Variants in LYRM4 observed in about 807,000 individuals in gnomAD.
LYRM4 encodes the protein LYR motif containing 4.
A neutral mutation model predicts 11.7 loss-of-function variants in LYRM4; 9 were observed. That is an observed-to-expected ratio of 0.77 (90% CI 0.46 to 1.34). The LOEUF (loss-of-function observed/expected upper bound fraction) is 1.34. Among genes scored for constraint, LYRM4 ranks in the 40% most tolerant of loss-of-function variants. The pLI, the probability that LYRM4 is intolerant of heterozygous loss-of-function variation, is 0.00. For missense variants in LYRM4, 133 were observed against 112.5 expected (o/e 1.18, Z -0.82); for synonymous variants, 42 against 40.4 (o/e 1.04, Z -0.15).
At chr6:5,102,828 C>T (rs1204231480), downstream of LYRM4, 1 of 152,212 alleles carries the variant, frequency 6.6e-6, no homozygotes, top group East Asian at 1.9e-4. Context: ...TCATTCTTGT[C>T]ATCTAATTTC....
chr6:5,081,656 C>G, the LYRM4 span, among the ~76,000 whole-genome samples: 1 of 152,314 alleles, frequency 6.6e-6, no homozygotes, highest in South Asian at 2.1e-4. Flanking sequence ...TCCTTGGTTC[C>G]TGAAATAGAA....
chr6:5,085,567 C>G, the LYRM4 span: 1 of 1,542,994 alleles, frequency 6.5e-7, no homozygotes, highest in Non-Finnish European at 8.7e-7. Context: ...CGAGGAGCTG[C>G]CCGCCCCGGT....
In LYRM4 at chr6:5,216,558, G is replaced by A; in HGVS notation, c.207+60C>T. 13 of 1,601,500 alleles carry A rather than the reference G, an allele frequency of 8.1e-6. No individual in the cohort carries two copies. The South Asian group carries it at 1.3e-4, about 16-fold the overall frequency. On this transcript the variant is annotated intron_variant, in intron 2 of 2. Coordinates refer to ENST00000330636, the MANE Select transcript of LYRM4 (RefSeq NM_020408.6). ...CCAAAAGCACGGCTGTCTAATCAAGGGGAATATGTCGAAGTTTAAAGCTCT... is the reference window on the plus strand; with the variant it reads ...CCAAAAGCACGGCTGTCTAATCAAGAGGAATATGTCGAAGTTTAAAGCTCT...
chr6:5,211,592 A>T lies in LYRM4; in HGVS notation c.207+5026T>A, dbSNP rs559412643. Among the ~76,000 whole-genome samples the T allele has an allele frequency of 5.3e-5, 8 of 152,302 alleles. No homozygotes were observed. In the South Asian group the frequency reaches 1.7e-3, roughly 32 times the overall value. ...TGCTCTTAATTTCTTACAACTGCAG[A>T]TTCTGAACTTGGGTGTAATACATCC... On this transcript the variant is annotated intron_variant, in intron 2 of 2. Coordinates refer to ENST00000330636, the MANE Select transcript of LYRM4 (RefSeq NM_020408.6).
chr6:5,228,250 T>C (rs560819702), intron 1 of LYRM4, among the ~76,000 whole-genome samples: 6 of 152,112 alleles, frequency 3.9e-5, no homozygotes, highest in Non-Finnish European at 5.9e-5. Context: ...AATTGGACCT[T>C]GGAGGAAATT....
chr6:5,242,961 G>A (rs973638052), intron 1 of LYRM4, among the ~76,000 whole-genome samples: 1 of 151,420 alleles, frequency 6.6e-6, no homozygotes, highest in Non-Finnish European at 1.5e-5. Context: ...TTTTAGTAGA[G>A]ACGGGGTTTC....
At chr6:5,059,393 C>A in the LYRM4 span, among the ~76,000 whole-genome samples, 1 of 151,908 alleles carries the variant, frequency 6.6e-6, no homozygotes, top group African/African-American at 2.4e-5. Flanking sequence ...ACACTCCTCC[C>A]CTTTTATTGC....
chr6:5,052,127 G>T, the LYRM4 span, among the ~76,000 whole-genome samples: 194 of 152,266 alleles, frequency 1.3e-3, 1 homozygote, highest in African/African-American at 4.5e-3. Context: ...CAAGAAGGGA[G>T]TTCTTTAGGT....
the LYRM4 span, among the ~76,000 whole-genome samples, chr6:5,055,912 T>G: frequency 0.23 from 34,330 of 152,030 alleles, 6,539 homozygotes; most frequent in African/African-American, 0.52. The surrounding 1 kb of genome is among the most constrained non-coding windows in gnomAD (Gnocchi z 4.5). Context: ...GTTATTCAAG[T>G]TTTTGGTCTT....
Position 5,129,148 on chromosome 6 carries a change from C to T in LYRM4, c.208-19657G>A, listed in dbSNP as rs116567944. Among the ~76,000 whole-genome samples the T allele has an allele frequency of 3.8e-3, 577 of 152,086 alleles. 4 individuals are homozygous for T. The highest frequency in any genetic ancestry group is 0.012 in the African/African-American group (488 of 41,546). On this transcript the variant is annotated intron_variant, in intron 2 of 2. Transcript: ENST00000330636. ...TGGTGTGATCTTCGGACTGCGTCTA[C>T]CTGCTCCCGCACTCAGCTGGGAATA...
intron 2 of LYRM4, among the ~76,000 whole-genome samples, chr6:5,130,802 G>A (rs1382311854): frequency 1.3e-5 from 2 of 152,016 alleles, no homozygotes; most frequent in African/African-American, 4.8e-5. Flanking sequence ...TATAAACATT[G>A]GGCTACAGAA....
At chr6:5,067,628 G>T in the LYRM4 span, among the ~76,000 whole-genome samples, 1 of 152,206 alleles carries the variant, frequency 6.6e-6, no homozygotes, top group East Asian at 1.9e-4. Flanking sequence ...TATGGGAAGG[G>T]TGTGAACACC....
the LYRM4 span, chr6:5,066,796 T>A: frequency 2.7e-6 from 2 of 738,978 alleles, no homozygotes; most frequent in Non-Finnish European, 4.8e-6. Flanking sequence ...TTTAACACCC[T>A]CCTTGGTGAG....
At chr6:5,136,528 G>T in intron 2 of LYRM4, 1 of 953,208 alleles carries the variant, frequency 1.0e-6, no homozygotes, top group Non-Finnish European at 1.2e-6. Flanking sequence ...CTACAGAATG[G>T]GATAATGTCA....
At chr6:5,242,138 T>C (rs1763917513) in intron 1 of LYRM4, among the ~76,000 whole-genome samples, 1 of 150,848 alleles carries the variant, frequency 6.6e-6, no homozygotes, top group African/African-American at 2.4e-5. Context: ...AGTGGTGTGA[T>C]CTCGGCTCAC....
chr6:5,247,753 T>C (rs1764258240), intron 1 of LYRM4, among the ~76,000 whole-genome samples: 1 of 152,116 alleles, frequency 6.6e-6, no homozygotes, highest in African/African-American at 2.4e-5. Context: ...TACAGCTTAA[T>C]AGATGCATCA....
At chr6:5,117,066 A>T (rs1331006155) in intron 2 of LYRM4, among the ~76,000 whole-genome samples, 2 of 152,326 alleles carry the variant, frequency 1.3e-5, no homozygotes, top group South Asian at 2.1e-4. Context: ...TATTTCGCAG[A>T]GTTGTTATGG....
At chr6:5,155,053 C>T (rs1758329725) in intron 2 of LYRM4, among the ~76,000 whole-genome samples, 1 of 152,018 alleles carries the variant, frequency 6.6e-6, no homozygotes, top group Non-Finnish European at 1.5e-5. Context: ...ACTGAGTCCC[C>T]TACCCTGCCT....
chr6:5,072,310 A>G, the LYRM4 span, among the ~76,000 whole-genome samples: 6 of 152,330 alleles, frequency 3.9e-5, no homozygotes, highest in East Asian at 1.2e-3. Flanking sequence ...TCTTTATAAT[A>G]GAATGATTTA....
Sources: gnomAD v4.1 joint callset for allele counts (sites outside exome capture counted in the v4.1 genomes callset) on GRCh38, gnomAD v4.1.1 for gene constraint, Gnocchi (gnomAD v3.1) non-coding constraint, MANE v1.5 for transcripts, NCBI Gene and HGNC (gene_info 2026-07-23, HGNC 2026-07-21) for gene names.